Variants in ZDHHC13 observed in about 807,000 individuals in gnomAD.
ZDHHC13 encodes the protein zDHHC palmitoyltransferase 13.
In ZDHHC13, 85 loss-of-function variants were observed where a neutral mutation model predicts 86.0. The ratio of observed to expected loss-of-function variants is 0.99; its 90% confidence interval spans 0.83 to 1.18. The LOEUF (loss-of-function observed/expected upper bound fraction) is 1.18, where lower values mean the gene tolerates loss of function less well. Ranked by LOEUF, ZDHHC13 falls within the 50% of genes most tolerant of loss-of-function variation. The pLI is 0.00. For synonymous variants in ZDHHC13, 263 were observed against 246.4 expected, an observed-to-expected ratio of 1.07 and a Z score of -0.63; for missense variants, 711 against 730.2, an observed-to-expected ratio of 0.97 and a Z score of 0.30.
intron 8 of ZDHHC13, among the ~76,000 whole-genome samples, chr11:19,155,091 G>A (rs933644363): frequency 1.3e-5 from 2 of 152,194 alleles, no homozygotes; most frequent in Non-Finnish European, 2.9e-5. Context: ...GCATGGTGCA[G>A]TGCCCAGGTT....
chr11:19,164,329 C>G lies in ZDHHC13; in HGVS notation c.1262C>G (p.Ser421Cys). The G allele has an allele frequency of 1.9e-6, 3 of 1,613,230 alleles. No individual in the cohort carries two copies. Among genetic ancestry groups the G allele is most frequent in the Non-Finnish European group, 2.5e-6 (3 of 1,179,536 alleles). The change falls in exon 12 of 17, where the codon TCT becomes TGT. Residue 421 changes from serine (S) to cysteine (C), a missense_variant. Ser to Cys is a moderately radical substitution (Grantham distance 112). Transcript: ENST00000446113. ...ATCATCACCCTTGCAGAAACTGGCT[C>G]TCTGGACTTCAGAACATTTTGTACA... ...VNIITLAETG[S>C]LDFRTFCTSC...
intron 8 of ZDHHC13, among the ~76,000 whole-genome samples, chr11:19,154,418 C>T (rs894588701): frequency 6.6e-6 from 1 of 151,658 alleles, no homozygotes; most frequent in Non-Finnish European, 1.5e-5. Flanking sequence ...TGTCATCATG[C>T]CAATTGGAAT....
At chr11:19,140,573 C>T (rs1331249018) in intron 1 of ZDHHC13, among the ~76,000 whole-genome samples, 3 of 152,052 alleles carry the variant, frequency 2.0e-5, no homozygotes, top group Non-Finnish European at 2.9e-5. Context: ...TGGGTATATG[C>T]CCAAAGGACT....
intron 1 of ZDHHC13, among the ~76,000 whole-genome samples, chr11:19,119,979 G>A (rs1848728318): frequency 6.6e-6 from 1 of 152,178 alleles, no homozygotes; most frequent in African/African-American, 2.4e-5. Context: ...GATAATGCCT[G>A]TCATTGGAGT....
intron 1 of ZDHHC13, among the ~76,000 whole-genome samples, chr11:19,134,034 G>T (rs1037710294): frequency 8.7e-5 from 13 of 149,118 alleles, no homozygotes; most frequent in Non-Finnish European, 1.8e-4. Flanking sequence ...CTTTTATATG[G>T]CTCTGAGGAC....
chr11:19,150,507 C>T (rs1849579454), intron 5 of ZDHHC13, among the ~76,000 whole-genome samples: 1 of 152,036 alleles, frequency 6.6e-6, no homozygotes, highest in Admixed American at 6.6e-5. Context: ...TAACACTTTA[C>T]ATTATATATT....
intron 16 of ZDHHC13, among the ~76,000 whole-genome samples, chr11:19,174,389 A>T (rs976481867): frequency 6.6e-6 from 1 of 152,254 alleles, no homozygotes; most frequent in Non-Finnish European, 1.5e-5. Flanking sequence ...ACCAGGCCCT[A>T]TACATTTCTA....
In ZDHHC13 at chr11:19,170,492, G is replaced by A. The variant is rs1445896865; in HGVS notation, c.1556G>A (p.Trp519Ter). The A allele has an allele frequency of 4.6e-6, 7 of 1,526,096 alleles. No homozygotes were observed. Among genetic ancestry groups the A allele is most frequent in the Non-Finnish European group, 6.1e-6 (7 of 1,140,076 alleles). 94.5% of individuals were successfully genotyped at this position (1,526,096 alleles called of 1,614,324 possible). The change falls in exon 15 of 17, where the codon TGG becomes TAG. Residue 519 changes from tryptophan (W) to a stop codon, truncating the protein, a stop_gained. Transcript: ENST00000446113. LOFTEE classifies it high-confidence loss of function. The part of the protein sequence containing the change: ...YLNQIVACSP[W>*]VLYILMLATF... ...AATCAGATTGTGGCCTGTTCCCCTTGGGTTTTATATATCTTGATGCTAGCA... is the reference window on the plus strand; with the variant it reads ...AATCAGATTGTGGCCTGTTCCCCTTAGGTTTTATATATCTTGATGCTAGCA...
chr11:19,156,151 G>A (rs1849751496), intron 9 of ZDHHC13, among the ~76,000 whole-genome samples: 1 of 152,066 alleles, frequency 6.6e-6, no homozygotes, highest in South Asian at 2.1e-4. Context: ...GACAACTGGT[G>A]GAAAATAAAT....
At chr11:19,156,050 C>A in intron 9 of ZDHHC13, 121 bp downstream of exon 9, 3 of 1,239,616 alleles carry the variant, frequency 2.4e-6, no homozygotes, top group Non-Finnish European at 2.1e-6. Flanking sequence ...TACCATATAA[C>A]AGCATCCTGC....
At chr11:19,169,488 C>G in intron 14 of ZDHHC13, 1 of 985,460 alleles carries the variant, frequency 1.0e-6, no homozygotes, top group African/African-American at 1.7e-5. Context: ...CATTTTCTTC[C>G]TGTCCCTGGA....
chr11:19,122,332 G>A (rs1590057574), intron 1 of ZDHHC13, among the ~76,000 whole-genome samples: 1 of 152,206 alleles, frequency 6.6e-6, no homozygotes, highest in East Asian at 1.9e-4. Context: ...TTGTCAGATT[G>A]GATTAGATCA....
At chr11:19,170,223 T>A in intron 14 of ZDHHC13, 188 bp from the exon 15 acceptor site, 1 of 1,402,936 alleles carries the variant, frequency 7.1e-7, no homozygotes, top group Non-Finnish European at 9.2e-7. Flanking sequence ...TCAATTAACA[T>A]TGAGCCACCA....
At chr11:19,127,730 T>A (rs1432989634) in intron 1 of ZDHHC13, among the ~76,000 whole-genome samples, 1 of 152,216 alleles carries the variant, frequency 6.6e-6, no homozygotes, top group Non-Finnish European at 1.5e-5. Context: ...TGCTTGTTTT[T>A]ATCAGCTTTG....
chr11:19,140,965 A>G (rs1565026572), intron 1 of ZDHHC13, among the ~76,000 whole-genome samples: 2 of 151,498 alleles, frequency 1.3e-5, no homozygotes, highest in Admixed American at 6.6e-5. Context: ...TACCTAATGT[A>G]GATGATGAGT....
intron 16 of ZDHHC13, among the ~76,000 whole-genome samples, chr11:19,175,389 C>A (rs1369829991): frequency 1.8e-4 from 10 of 56,376 alleles, no homozygotes; most frequent in African/African-American, 3.7e-4. Flanking sequence ...GACTCCGTCT[C>A]AAAAAAAAAA....
At chr11:19,153,013 A>C (rs2133431463) in intron 8 of ZDHHC13, among the ~76,000 whole-genome samples, 1 of 152,302 alleles carries the variant, frequency 6.6e-6, no homozygotes, top group East Asian at 1.9e-4. Flanking sequence ...TGTTGCAAGG[A>C]GTTTTATAGA....
intron 2 of ZDHHC13, among the ~76,000 whole-genome samples, chr11:19,144,323 A>C (rs1167684496): frequency 2.0e-5 from 3 of 152,014 alleles, no homozygotes; most frequent in Non-Finnish European, 4.4e-5. Context: ...ATCTCAGTAA[A>C]AACTCGCATT....
intron 2 of ZDHHC13, among the ~76,000 whole-genome samples, chr11:19,145,492 T>C (rs989199810): frequency 1.3e-5 from 2 of 152,224 alleles, no homozygotes; most frequent in African/African-American, 4.8e-5. Context: ...CTAAACTTCA[T>C]AGCATAGCAC....
Sources: gnomAD v4.1 joint callset for allele counts (sites outside exome capture counted in the v4.1 genomes callset) on GRCh38, gnomAD v4.1.1 for gene constraint, MANE v1.5 for transcripts, NCBI Gene and HGNC (gene_info 2026-07-23, HGNC 2026-07-21) for gene names.